PRKAB1: variants seen among roughly 807,000 people sequenced by gnomAD.
The protein encoded by PRKAB1 is protein kinase AMP-activated non-catalytic subunit beta 1.
PRKAB1 carries 18 observed loss-of-function variants against 32.0 expected under a neutral mutation model. The observed-to-expected ratio is 0.56, with a 90% CI of 0.39 to 0.83. The LOEUF is 0.83. Ranked by LOEUF, PRKAB1 falls within the 40% of genes least tolerant of loss-of-function variation. PRKAB1 has a pLI of 0.00. For synonymous variants in PRKAB1, 141 were observed against 141.4 expected, an observed-to-expected ratio of 1.00 and a Z score of 0.02; for missense variants, 263 against 352.6, an observed-to-expected ratio of 0.75 and a Z score of 2.03.
Position 119,679,714 on chromosome 12 carries a change from C to G in PRKAB1, c.667-219C>G. On this transcript the variant is annotated intron_variant, in intron 5 of 6. Transcript: ENST00000229328. The surrounding 1 kb of genome is among the most constrained non-coding windows in gnomAD (Gnocchi z 4.1). Reference sequence around the variant, plus strand: ...TAAATGCCTGGCCAGAGACACACACCGATGCCTCCAGCAGGCATGCAGGGA... The same window carrying G: ...TAAATGCCTGGCCAGAGACACACACGGATGCCTCCAGCAGGCATGCAGGGA... 1 of 553,074 alleles carries G rather than the reference C, an allele frequency of 1.8e-6. No individual in the cohort carries two copies. The highest frequency in any genetic ancestry group is 3.3e-6 in the Non-Finnish European group (1 of 304,630). The allele number at this position is 553,074 out of a possible 1,614,324, so 34.3% of individuals were successfully genotyped here.
chr12:119,672,297 C>T lies in PRKAB1; in HGVS notation c.160-4C>T, dbSNP rs1360587459. 6.2e-7 allele frequency: 1 copy of T among 1,602,630 alleles called. No individual in the cohort carries two copies. The highest frequency in any genetic ancestry group is 8.5e-7 in the Non-Finnish European group (1 of 1,174,676). ...GCTTTCTGAGTAAACTGCTCTGCTT[C>T]TAGGCACCAGAGAAGGAGGAATTCC... On this transcript the variant is annotated splice_polypyrimidine_tract_variant and splice_region_variant and intron_variant, in intron 1 of 6. Transcript: ENST00000229328.
At position 119,676,681 on chromosome 12, in the gene PRKAB1, G is replaced by A. The variant is rs79890304; in HGVS notation, c.666+11G>A. On this transcript the variant is annotated intron_variant, in intron 5 of 6. Coordinates refer to ENST00000229328, the MANE Select transcript of PRKAB1 (RefSeq NM_006253.5). ...GACACGGGGATTTCCGTAAGTATGT[G>A]GGCATCTGCCCGGACCATCCGCCGT... 1.8e-3 allele frequency: 2,939 copies of A among 1,613,208 alleles called. 51 individuals carry two copies. In the African/African-American group the frequency reaches 0.036, roughly 20 times the overall value.
chr12:119,671,824 T>C (rs1955390767), intron 1 of PRKAB1, among the ~76,000 whole-genome samples: 1 of 152,222 alleles, frequency 6.6e-6, no homozygotes, highest in Non-Finnish European at 1.5e-5. Context: ...TGTACTTAAA[T>C]GTATCTAAAC....
chr12:119,680,738 A>T lies in PRKAB1; in HGVS notation c.*413A>T. 1 of 180,944 alleles carries T rather than the reference A, an allele frequency of 5.5e-6. No homozygotes were observed. The highest frequency in any genetic ancestry group is 1.2e-5 in the Non-Finnish European group (1 of 85,188). The allele number at this position is 180,944 out of a possible 1,614,324, so 11.2% of individuals were successfully genotyped here. A position where few individuals can be genotyped will look rare whatever the true frequency, so the allele number is the denominator to read the frequency against. ...CTGAGGCCACACATCATTTCCAGTC[A>T]TCTGTGTGTTTTTAAGGCCAGCCAC... On this transcript the variant is annotated 3_prime_UTR_variant, in exon 7 of 7. Transcript: ENST00000229328.
Position 119,674,023 on chromosome 12 carries a change from T to C in PRKAB1, c.383T>C (p.Phe128Ser), listed in dbSNP as rs74516777. Residue 128 changes from phenylalanine to serine, a missense_variant, in exon 3 of 7, where the codon TTT becomes TCT. Transcript: ENST00000229328. This position sits in a 1 kb window ranked among gnomAD's most constrained non-coding sequence, Gnocchi z 4.3. ...GAAGGAGAGCATCAGTACAAGTTCT[T>C]TGTGGATGGTCAGTGGACGCACGAC... ...LPEGEHQYKF[F>S]VDGQWTHDPS... is the part of the protein sequence containing the mutation. 6.8e-6 allele frequency: 11 copies of C among 1,614,084 alleles called. No individual in the cohort carries two copies. The highest frequency in any genetic ancestry group is 9.3e-6 in the Non-Finnish European group (11 of 1,180,000).
intron 2 of PRKAB1, among the ~76,000 whole-genome samples, chr12:119,673,435 A>G (rs894433797): frequency 1.3e-5 from 2 of 152,188 alleles, no homozygotes; most frequent in African/African-American, 4.8e-5. Context: ...TTGGAGAAGG[A>G]GGGAGCCACT....
intron 1 of PRKAB1, among the ~76,000 whole-genome samples, chr12:119,670,642 A>G (rs945651514): frequency 4.6e-5 from 7 of 152,348 alleles, no homozygotes; most frequent in African/African-American, 1.7e-4. Context: ...TACTATTCCA[A>G]AACTCCTCCA....
chr12:119,674,145 C>T lies in PRKAB1; in HGVS notation c.417+88C>T. ...AAGAGATTGCCGCTAGGTCCCTTTG[C>T]CCAGCTAGTAAAAGTCCCCGTGTGT... On this transcript the variant is annotated intron_variant, in intron 3 of 6. Coordinates refer to ENST00000229328, the MANE Select transcript of PRKAB1 (RefSeq NM_006253.5). This position sits in a 1 kb window ranked among gnomAD's most constrained non-coding sequence, Gnocchi z 4.3. 1 of 1,314,332 alleles carries T rather than the reference C, an allele frequency of 7.6e-7. No individual in the cohort carries two copies. The highest frequency in any genetic ancestry group is 1.1e-6 in the Non-Finnish European group (1 of 928,912). 81.4% of individuals were successfully genotyped at this position (1,314,332 alleles called of 1,614,324 possible).
At chr12:119,671,374 C>G in intron 1 of PRKAB1, 1 of 269,476 alleles carries the variant, frequency 3.7e-6, no homozygotes, top group South Asian at 3.2e-5. Flanking sequence ...TCTCATGCTA[C>G]TATGTAGAAA....
intron 2 of PRKAB1, 29 bp from the exon 3 acceptor site, chr12:119,673,935 G>A (rs1385141961): frequency 1.3e-6 from 2 of 1,598,302 alleles, no homozygotes; most frequent in East Asian, 2.2e-5. Context: ...CCACCCCACG[G>A]AAGTCCTCTG....
At position 119,679,447 on chromosome 12, in the gene PRKAB1, C is replaced by A; in HGVS notation, c.667-486C>A. On this transcript the variant is annotated intron_variant, in intron 5 of 6. Transcript: ENST00000229328. The surrounding 1 kb of genome is among the most constrained non-coding windows in gnomAD (Gnocchi z 4.1). ...TTAAAACATAGGAAGGTGCGGCGGG[C>A]AGCTCTGAGTGCCAGCCCGGTGGCA... 5.9e-6 allele frequency: 1 copy of A among 168,138 alleles called. No homozygotes were observed. Among genetic ancestry groups the A allele is most frequent in the Non-Finnish European group, 1.3e-5 (1 of 77,594 alleles). 10.4% of individuals were successfully genotyped at this position (168,138 alleles called of 1,614,324 possible).
chr12:119,680,043 G>A lies in PRKAB1; in HGVS notation c.735+42G>A, dbSNP rs369891726. The A allele has an allele frequency of 2.5e-5, 40 of 1,590,834 alleles. No homozygotes were observed. The African/African-American group carries it at 4.2e-4, about 17-fold the overall frequency. On this transcript the variant is annotated intron_variant, in intron 6 of 6. Transcript: ENST00000229328. ...CCCCATGAGAGCTGTGTTGCCCAGT[G>A]TGTGCTCTGAGGACCCCCAGCAGTG...
rs775919641 is a variant in PRKAB1, at chr12:119,674,065, T to G, written c.417+8T>G. 1.2e-6 allele frequency: 2 copies of G among 1,611,184 alleles called. No homozygotes were observed. Among genetic ancestry groups the G allele is most frequent in the Non-Finnish European group, 1.7e-6 (2 of 1,178,022 alleles). ...ACGCACGACCCTTCCGAGGTACTCT[T>G]CCTCCCACCTCTGGTCCTCTGGGTG... On this transcript the variant is annotated splice_region_variant and intron_variant, in intron 3 of 6. Coordinates refer to ENST00000229328, the MANE Select transcript of PRKAB1 (RefSeq NM_006253.5). The surrounding 1 kb of genome is among the most constrained non-coding windows in gnomAD (Gnocchi z 4.3).
chr12:119,668,104 GC>G (rs1328923271), upstream of PRKAB1: 2 of 1,094,284 alleles, frequency 1.8e-6, no homozygotes, highest in East Asian at 3.2e-5. Flanking sequence ...CCGGCTCCCG[GC>G]CCGAGGGGCG....
intron 4 of PRKAB1, among the ~76,000 whole-genome samples, chr12:119,675,564 TTCC>T (rs1216710121): frequency 2.0e-5 from 3 of 152,212 alleles, no homozygotes; most frequent in African/African-American, 7.2e-5. Flanking sequence ...TTAGTCAAAT[TTCC>T]ACCTAGGGAA....
intron 1 of PRKAB1, 110 bp downstream of exon 1, chr12:119,668,513 G>A: frequency 1.4e-6 from 2 of 1,413,614 alleles, no homozygotes; most frequent in Admixed American, 2.5e-5. Flanking sequence ...GGAGAGGGAG[G>A]TGGTACATTA....
At chr12:119,668,435 T>TA (rs763563624) in intron 1 of PRKAB1, 32 bp downstream of exon 1, 1 of 1,606,978 alleles carries the variant, frequency 6.2e-7, no homozygotes, top group South Asian at 1.1e-5. Flanking sequence ...CCGATTCCCC[T>TA]TGACTAATGT....
rs376778173 is a variant in PRKAB1, at chr12:119,672,995, G to A, written c.323+531G>A. Among the ~76,000 whole-genome samples, 162 of 152,364 alleles carry A rather than the reference G, an allele frequency of 1.1e-3. 1 individual carries two copies. The highest frequency in any genetic ancestry group is 1.7e-3 in the Non-Finnish European group (116 of 68,038). On this transcript the variant is annotated intron_variant, in intron 2 of 6. Transcript: ENST00000229328. ...TATGATCTCAGCACTTTTGGGGGCTGAGGCAGGAGGATTGCTTGAGGCTAG... is the reference window on the plus strand; with the variant it reads ...TATGATCTCAGCACTTTTGGGGGCTAAGGCAGGAGGATTGCTTGAGGCTAG...
rs1018225056 is a variant in PRKAB1 at position 119,672,140 on chromosome 12, A to G, written c.160-161A>G. 4 of 664,186 alleles carry G rather than the reference A, an allele frequency of 6.0e-6. No homozygotes were observed. The Admixed American group carries it at 8.8e-5, about 15-fold the overall frequency. 41.1% of individuals were successfully genotyped at this position (664,186 alleles called of 1,614,324 possible). A position where few individuals can be genotyped will look rare whatever the true frequency, so the allele number is the denominator to read the frequency against. On this transcript the variant is annotated intron_variant, in intron 1 of 6. Transcript: ENST00000229328. ...CAGTCTTCACAACCTTAAAAAATAT[A>G]TTTCTATTTTGCAGGCAAGGAAACT... is the stretch of plus-strand genomic sequence containing the variant.
Sources: allele counts gnomAD v4.1 joint callset (sites outside exome capture counted in the v4.1 genomes callset), GRCh38; gene constraint gnomAD v4.1.1; non-coding constraint Gnocchi (gnomAD v3.1); transcripts MANE v1.5; gene names NCBI Gene and HGNC (gene_info 2026-07-23, HGNC 2026-07-21).